Variants in AMPH observed in about 807,000 individuals in gnomAD.
AMPH encodes amphiphysin (Stiff-Mann syndrome with breast cancer 128kD autoantigen).
AMPH carries 49 observed loss-of-function variants against 99.1 expected under a neutral mutation model. The observed-to-expected ratio is 0.49, with a 90% confidence interval of 0.39 to 0.63. The LOEUF is 0.63. Among genes scored for constraint, AMPH ranks in the 20% least tolerant of loss-of-function variants. The pLI is 0.00. For synonymous variants in AMPH, 314 were observed against 317.3 expected, an observed-to-expected ratio of 0.99 and a Z score of 0.11; for missense variants, 759 against 863.4, an observed-to-expected ratio of 0.88 and a Z score of 1.52.
intron 17 of AMPH, among the ~76,000 whole-genome samples, chr7:38,411,317 T>C (rs1785210670): frequency 1.3e-5 from 2 of 152,190 alleles, no homozygotes; most frequent in South Asian, 4.1e-4. Context: ...ACTCCTTCAT[T>C]TCAGGACACA....
chr7:38,614,463 C>T (rs1793800278), intron 1 of AMPH, among the ~76,000 whole-genome samples: 1 of 152,026 alleles, frequency 6.6e-6, no homozygotes, highest in Non-Finnish European at 1.5e-5. Flanking sequence ...TGCTAAGAAG[C>T]AGATATAGAA....
chr7:38,485,296 G>C (rs924847233), intron 5 of AMPH, among the ~76,000 whole-genome samples: 3 of 151,920 alleles, frequency 2.0e-5, no homozygotes, highest in Non-Finnish European at 4.4e-5. Flanking sequence ...GATATTCCAT[G>C]CAAATGGTAA....
chr7:38,394,720 T>C (rs565577943), intron 17 of AMPH, among the ~76,000 whole-genome samples: 53 of 152,304 alleles, frequency 3.5e-4, no homozygotes, highest in Admixed American at 1.1e-3. Flanking sequence ...CTTCATCTTA[T>C]GTAACATGCA....
intron 1 of AMPH, among the ~76,000 whole-genome samples, chr7:38,607,932 A>G (rs1793491099): frequency 1.3e-5 from 2 of 152,178 alleles, no homozygotes; most frequent in African/African-American, 4.8e-5. Context: ...GGCTGATATA[A>G]GTCAGTGATT....
chr7:38,559,345 G>A (rs1171543868), intron 1 of AMPH, among the ~76,000 whole-genome samples: 1 of 152,238 alleles, frequency 6.6e-6, no homozygotes, highest in African/African-American at 2.4e-5. Context: ...ACGATGAGGT[G>A]TAAATCTAAT....
rs981283302 is a variant in AMPH at position 38,630,853 on chromosome 7, G to C, written c.69+430C>G. The stretch of plus-strand genomic sequence containing the variant: ...GCTGCAATCTCCCGCCCCGATCTGC[G>C]GGCCGCGTCCCCGCGAGCTGCCTGC... On this transcript the variant is annotated intron_variant, in intron 1 of 20. Coordinates refer to ENST00000356264, the MANE Select transcript of AMPH (RefSeq NM_001635.4). Among the ~76,000 whole-genome samples, 10 of 152,326 alleles carry C rather than the reference G, an allele frequency of 6.6e-5. No individual in the cohort carries two copies. The East Asian group carries it at 1.9e-3, about 29-fold the overall frequency.
Position 38,534,926 on chromosome 7 carries a change from C to G in AMPH, c.150+5G>C. 1 of 1,612,602 alleles carries G rather than the reference C, an allele frequency of 6.2e-7. No homozygotes were observed. Among genetic ancestry groups the G allele is most frequent in the Non-Finnish European group, 8.5e-7 (1 of 1,178,822 alleles). ...CCACTCCAGAAACTAAACAAATGGA[C>G]TCACTTCTTGCCGTTTGAAGTTCTG... is the stretch of plus-strand genomic sequence containing the variant. On this transcript the variant is annotated splice_donor_5th_base_variant and intron_variant, in intron 2 of 20. Transcript: ENST00000356264.
intron 20 of AMPH, among the ~76,000 whole-genome samples, chr7:38,388,251 G>A (rs1784398107): frequency 6.6e-6 from 1 of 151,902 alleles, no homozygotes; most frequent in African/African-American, 2.4e-5. Context: ...AATAACTTCT[G>A]GTTAATGCAG....
At chr7:38,459,680 T>C (rs1023517856) in intron 11 of AMPH, among the ~76,000 whole-genome samples, 13 of 152,168 alleles carry the variant, frequency 8.5e-5, no homozygotes, top group African/African-American at 2.6e-4. Context: ...TCTCCTGATA[T>C]ATAAAAATCA....
At chr7:38,435,954 G>C (rs558824229) in intron 12 of AMPH, among the ~76,000 whole-genome samples, 4 of 152,274 alleles carry the variant, frequency 2.6e-5, no homozygotes, top group African/African-American at 9.6e-5. Flanking sequence ...GCTTCATCCA[G>C]GGAAACCATA....
intron 1 of AMPH, among the ~76,000 whole-genome samples, chr7:38,579,700 T>C (rs769151561): frequency 4.6e-5 from 7 of 152,224 alleles, no homozygotes; most frequent in African/African-American, 1.2e-4. Context: ...TTTATGTCAA[T>C]TGTTGTACTC....
intron 2 of AMPH, among the ~76,000 whole-genome samples, chr7:38,524,381 G>T (rs1790083986): frequency 6.6e-6 from 1 of 152,164 alleles, no homozygotes; most frequent in African/African-American, 2.4e-5. Context: ...CACAATTAGG[G>T]CATATGTTGC....
intron 1 of AMPH, among the ~76,000 whole-genome samples, chr7:38,568,155 A>G (rs1373289116): frequency 1.3e-5 from 2 of 152,182 alleles, no homozygotes; most frequent in Non-Finnish European, 2.9e-5. Flanking sequence ...TTACGTGCAA[A>G]TTCAAATTAA....
Position 38,391,890 on chromosome 7 carries a change from C to A in AMPH, c.1736G>T (p.Ser579Ile), listed in dbSNP as rs750272675. ...CTCCGTAGCCAGCTCCGGTGTCTCG[C>A]TGGTGGGGCCCGGAGGAGCCGCGTC... ...TEDAAPPGPT[S>I]ETPELATEQK... is the part of the protein sequence containing the mutation. The change falls in exon 19 of 21, where the codon AGC (serine) becomes ATC (isoleucine). Residue 579 changes from serine to isoleucine, a missense_variant. Ser to Ile is a moderately radical substitution (Grantham distance 142, BLOSUM62 -2). Coordinates refer to ENST00000356264, the MANE Select transcript of AMPH (RefSeq NM_001635.4). 1 of 1,612,646 alleles carries A rather than the reference C, an allele frequency of 6.2e-7. No homozygotes were observed. The highest frequency in any genetic ancestry group is 2.2e-5 in the East Asian group (1 of 44,856).
intron 3 of AMPH, among the ~76,000 whole-genome samples, chr7:38,502,423 C>A (rs968306667): frequency 1.3e-5 from 2 of 152,088 alleles, no homozygotes; most frequent in African/African-American, 4.8e-5. Context: ...GAGTTCTGAG[C>A]TAAGGAATCT....
chr7:38,567,965 T>G (rs1791807263), intron 1 of AMPH, among the ~76,000 whole-genome samples: 1 of 152,122 alleles, frequency 6.6e-6, no homozygotes, highest in African/African-American at 2.4e-5. Flanking sequence ...ATTATTCATA[T>G]TTATATTTTC....
rs1217511835 is a variant in AMPH, at chr7:38,543,771, C to T, written c.70-8760G>A. ...CCATGATCTTTCTGGAATAGTGTTTCCCAAAATGTGTTCCATGGGAAATAA... is the reference window on the plus strand; with the variant it reads ...CCATGATCTTTCTGGAATAGTGTTTTCCAAAATGTGTTCCATGGGAAATAA... On this transcript the variant is annotated intron_variant, in intron 1 of 20. Transcript: ENST00000356264. 2.0e-5 allele frequency among the ~76,000 whole-genome samples: 3 copies of T among 152,030 alleles called. No individual in the cohort carries two copies. In the East Asian group the frequency reaches 5.8e-4, roughly 29 times the overall value.
At chr7:38,457,593 C>T (rs1379818893) in intron 11 of AMPH, among the ~76,000 whole-genome samples, 1 of 152,084 alleles carries the variant, frequency 6.6e-6, no homozygotes, top group Non-Finnish European at 1.5e-5. Flanking sequence ...TATTCGTGTC[C>T]TTGAGGGCCA....
chr7:38,429,953 C>T, intron 13 of AMPH, 88 bp from the exon 14 acceptor site: 1 of 1,222,680 alleles, frequency 8.2e-7, no homozygotes, highest in Non-Finnish European at 1.1e-6. Flanking sequence ...AGTCAACATT[C>T]TGCTGAAGGC....
Sources: gnomAD v4.1 joint callset for allele counts (sites outside exome capture counted in the v4.1 genomes callset) on GRCh38, gnomAD v4.1.1 for gene constraint, MANE v1.5 for transcripts, NCBI Gene and HGNC (gene_info 2026-07-23, HGNC 2026-07-21) for gene names.